LMAN1: variants seen among roughly 807,000 people sequenced by gnomAD.
LMAN1 encodes the protein protein ERGIC-53.
In LMAN1, 32 loss-of-function variants were observed where a neutral mutation model predicts 67.8. The ratio of observed to expected loss-of-function variants is 0.47; its 90% CI spans 0.36 to 0.63. The LOEUF (loss-of-function observed/expected upper bound fraction) is 0.63. Ranked by LOEUF, LMAN1 falls within the 30% of genes least tolerant of loss-of-function variation. The pLI is 0.00. For missense variants in LMAN1, 632 were observed against 628.2 expected (o/e 1.01, Z -0.06); for synonymous variants, 235 against 219.3 (o/e 1.07, Z -0.63).
At chr18:59,343,719 A>T (rs751300813) in intron 8 of LMAN1, among the ~76,000 whole-genome samples, 3 of 152,104 alleles carry the variant, frequency 2.0e-5, no homozygotes, top group Non-Finnish European at 2.9e-5. Context: ...CTGAGGAAAG[A>T]CTCTTCTGCA....
At chr18:59,359,001 C>A (rs1430630629) in intron 1 of LMAN1, 30 bp downstream of exon 1, 1 of 1,605,674 alleles carries the variant, frequency 6.2e-7, no homozygotes, top group African/African-American at 1.3e-5. Flanking sequence ...GGGAGAGGAA[C>A]CCGGCCCCCA....
At chr18:59,356,460 A>G (rs570599245) in intron 1 of LMAN1, among the ~76,000 whole-genome samples, 1 of 152,210 alleles carries the variant, frequency 6.6e-6, no homozygotes, top group Non-Finnish European at 1.5e-5. Flanking sequence ...TTCTCCTATT[A>G]TTAGACTAGG....
chr18:59,343,908 A>T (rs1303081453), intron 8 of LMAN1, among the ~76,000 whole-genome samples: 3 of 152,200 alleles, frequency 2.0e-5, no homozygotes, highest in African/African-American at 7.2e-5. Context: ...ACGAAGGGCT[A>T]ATATCCAGAA....
rs765819187 is a variant in LMAN1, at chr18:59,359,089, G to A, written c.156C>T (p.Phe52=). The part of the protein sequence containing the change: ...PHRRFEYKYS[F]KGPHLVQSDG... ...CGCTCTGCACCAGGTGCGGCCCCTT[G>A]AAGCTGTATTTGTACTCGAAACGGC... The change falls in exon 1 of 13, where the codon TTC becomes TTT. Residue 52 remains phenylalanine (F), a synonymous_variant. Transcript: ENST00000251047. The A allele has an allele frequency of 1.2e-6, 2 of 1,614,108 alleles. No homozygotes were observed. The highest frequency in any genetic ancestry group is 1.7e-5 in the Admixed American group (1 of 60,034).
chr18:59,347,245 CGGGA>C (rs1193519826), intron 7 of LMAN1, among the ~76,000 whole-genome samples: 8 of 134,950 alleles, frequency 5.9e-5, no homozygotes, highest in Non-Finnish European at 1.2e-4. Flanking sequence ...GGTGTGAACC[CGGGA>C]GGCGGAGCTT....
At chr18:59,342,803 G>A (rs923679783) in intron 8 of LMAN1, among the ~76,000 whole-genome samples, 1 of 151,954 alleles carries the variant, frequency 6.6e-6, no homozygotes, top group Non-Finnish European at 1.5e-5. Context: ...CTTCACCAGA[G>A]CAATCAGGCA....
At chr18:59,346,668 G>A (rs1873872902) in intron 7 of LMAN1, among the ~76,000 whole-genome samples, 1 of 151,582 alleles carries the variant, frequency 6.6e-6, no homozygotes, top group African/African-American at 2.4e-5. Context: ...CTATAGGTGT[G>A]CACCACCACA....
chr18:59,332,297 T>C (rs2070752429), intron 11 of LMAN1, among the ~76,000 whole-genome samples: 1 of 152,096 alleles, frequency 6.6e-6, no homozygotes, highest in African/African-American at 2.4e-5. Context: ...AATAATGCTT[T>C]GGATGAGAGG....
chr18:59,346,096 A>G (rs759255153), intron 7 of LMAN1, 45 bp from the exon 8 acceptor site: 1 of 1,471,436 alleles, frequency 6.8e-7, no homozygotes, highest in Non-Finnish European at 9.4e-7. Context: ...AGATAAGAAA[A>G]TCATTAAGAT....
intron 3 of LMAN1, 69 bp from the exon 4 acceptor site, chr18:59,354,649 A>G (rs923510881): frequency 2.5e-6 from 2 of 788,098 alleles, no homozygotes; most frequent in African/African-American, 3.4e-5. Flanking sequence ...TTGATGTACT[A>G]TGAAGTGACT....
At chr18:59,353,753 T>C (rs935640333) in intron 4 of LMAN1, among the ~76,000 whole-genome samples, 1 of 152,244 alleles carries the variant, frequency 6.6e-6, no homozygotes, top group African/African-American at 2.4e-5. Context: ...ACATTATAAA[T>C]ATACAGTCAT....
intron 8 of LMAN1, among the ~76,000 whole-genome samples, chr18:59,342,127 G>A (rs990543365): frequency 2.0e-5 from 3 of 151,848 alleles, no homozygotes; most frequent in Non-Finnish European, 4.4e-5. Context: ...GACTGAAACA[G>A]GAAGAAACAG....
In LMAN1 at chr18:59,359,220, G is replaced by T; in HGVS notation, c.25C>A (p.Leu9Ile). 6.2e-7 allele frequency: 1 copy of T among 1,613,930 alleles called. No homozygotes were observed. The highest frequency in any genetic ancestry group is 8.5e-7 in the Non-Finnish European group (1 of 1,179,874). MAGSRQRG[L>I]RARVRPLFCA... is the part of the protein sequence containing the mutation. The stretch of plus-strand genomic sequence containing the variant: ...AACAGCGGCCGAACTCTGGCCCGGA[G>T]ACCCCTTTGCCTGGATCCCGCCATC... The change falls in exon 1 of 13, where the codon CTC becomes ATC. Residue 9 changes from leucine to isoleucine, a missense_variant. Physicochemically the swap from Leu to Ile is conservative, Grantham distance 5. Coordinates refer to ENST00000251047, the MANE Select transcript of LMAN1 (RefSeq NM_005570.4).
intron 11 of LMAN1, 85 bp from the exon 12 acceptor site, chr18:59,331,624 T>G: frequency 1.4e-6 from 2 of 1,447,950 alleles, no homozygotes; most frequent in Non-Finnish European, 1.9e-6. Context: ...ATAAAACTGT[T>G]TGCTATATAA....
chr18:59,333,759 A>G (rs576579903), intron 10 of LMAN1: 1 of 152,182 alleles, frequency 6.6e-6, no homozygotes. Flanking sequence ...CTACGAGTGC[A>G]TTCAACAGTT....
At chr18:59,348,460 T>G (rs974491029) in intron 6 of LMAN1, among the ~76,000 whole-genome samples, 2 of 152,184 alleles carry the variant, frequency 1.3e-5, no homozygotes, top group African/African-American at 2.4e-5. Context: ...CACCTAAAAT[T>G]TGGCAAGTTC....
At chr18:59,345,587 G>A (rs1165154232) in intron 8 of LMAN1, among the ~76,000 whole-genome samples, 1 of 152,104 alleles carries the variant, frequency 6.6e-6, no homozygotes, top group Middle Eastern at 3.2e-3. Context: ...GGTTAGCATT[G>A]TTTTGGATTT....
rs1339495044 is a variant in LMAN1 at position 59,330,672 on chromosome 18, C to CCAA, written c.*420_*421insTTG. Reference sequence around the variant, plus strand: ...TAGGAAGTCTGACCTCTAAAAAAGACTTTGGTTACAAAATAAACCTGATGG... The same window carrying CCAA: ...TAGGAAGTCTGACCTCTAAAAAAGACCAATTTGGTTACAAAATAAACCTGATGG... On this transcript the variant is annotated 3_prime_UTR_variant, in exon 13 of 13. Transcript: ENST00000251047. 1 of 159,840 alleles carries CCAA rather than the reference C, an allele frequency of 6.3e-6. No individual in the cohort carries two copies. Among genetic ancestry groups the CCAA allele is most frequent in the Non-Finnish European group, 1.4e-5 (1 of 72,832 alleles). 9.9% of individuals were successfully genotyped at this position (159,840 alleles called of 1,614,324 possible). A position where few individuals can be genotyped will look rare whatever the true frequency, so the allele number is the denominator to read the frequency against.
In LMAN1 at chr18:59,352,429, C is replaced by T. The variant is rs185953195; in HGVS notation, c.639+773G>A. Among the ~76,000 whole-genome samples the T allele has an allele frequency of 7.6e-3, 1,161 of 152,264 alleles. 22 individuals carry two copies. Among genetic ancestry groups the T allele is most frequent in the African/African-American group, 0.027 (1,108 of 41,536 alleles). On this transcript the variant is annotated intron_variant, in intron 5 of 12. Transcript: ENST00000251047. ...GATAATTTCACTTCCTGCTTAAAAC[C>T]CTTTAAACATTTTTAAAAGCTTCTT...
Sources: gnomAD v4.1 joint callset for allele counts (sites outside exome capture counted in the v4.1 genomes callset) on GRCh38, gnomAD v4.1.1 for gene constraint, MANE v1.5 for transcripts, NCBI Gene and HGNC (gene_info 2026-07-23, HGNC 2026-07-21) for gene names.